UGT8: variants seen among roughly 807,000 people sequenced by gnomAD.
UGT8 encodes the protein 2-hydroxyacylsphingosine 1-beta-galactosyltransferase.
UGT8 carries 12 observed loss-of-function variants against 40.5 expected under a neutral mutation model. The observed-to-expected ratio is 0.30, with a 90% CI of 0.19 to 0.48. The LOEUF is 0.48. Among genes scored for constraint, UGT8 ranks in the 20% least tolerant of loss-of-function variants. UGT8 has a pLI of 0.99. For missense variants in UGT8, 513 were observed against 648.7 expected (o/e 0.79, Z 2.27); for synonymous variants, 224 against 240.4 (o/e 0.93, Z 0.63).
chr4:114,613,188 A>G (rs1731193344), intron 1 of UGT8, among the ~76,000 whole-genome samples: 1 of 152,146 alleles, frequency 6.6e-6, no homozygotes, highest in African/African-American at 2.4e-5. Flanking sequence ...ACTTAAAATG[A>G]TATCTTTGTA....
intron 5 of UGT8, among the ~76,000 whole-genome samples, chr4:114,671,224 A>C (rs1021426632): frequency 2.2e-4 from 34 of 152,242 alleles, no homozygotes; most frequent in African/African-American, 8.2e-4. Context: ...GAAAATGGCT[A>C]TACTGCCCAA....
intron 2 of UGT8, among the ~76,000 whole-genome samples, chr4:114,652,818 G>A (rs1238917914): frequency 6.6e-6 from 1 of 152,020 alleles, no homozygotes; most frequent in African/African-American, 2.4e-5. Context: ...TCTAACGTTG[G>A]AGTCTTTGCT....
chr4:114,676,464 A>C lies in UGT8; in HGVS notation c.*176A>C. ...TGGCTGTAAAAAGCACAAACCTAAA[A>C]TGCAGAAATGTATTTTATTCAAATA... On this transcript the variant is annotated 3_prime_UTR_variant, in exon 6 of 6. Transcript: ENST00000310836. 1.8e-6 allele frequency: 1 copy of C among 555,972 alleles called. No homozygotes were observed. Among genetic ancestry groups the C allele is most frequent in the East Asian group, 3.0e-5 (1 of 33,154 alleles). 34.4% of individuals were successfully genotyped at this position (555,972 alleles called of 1,614,324 possible).
At chr4:114,646,976 C>T (rs1199099964) in intron 2 of UGT8, among the ~76,000 whole-genome samples, 1 of 152,070 alleles carries the variant, frequency 6.6e-6, no homozygotes, top group Non-Finnish European at 1.5e-5. Context: ...GGGAAAGAAG[C>T]ATGTTTCCGT....
intron 4 of UGT8, 130 bp from the exon 5 acceptor site, chr4:114,667,955 A>C (rs1032800228): frequency 3.5e-6 from 5 of 1,440,808 alleles, no homozygotes; most frequent in Non-Finnish European, 4.5e-6. Flanking sequence ...AATCAGTGAA[A>C]TTACACCTTT....
chr4:114,660,752 C>A (rs995099774), intron 2 of UGT8, among the ~76,000 whole-genome samples: 2 of 151,590 alleles, frequency 1.3e-5, no homozygotes, highest in African/African-American at 2.4e-5. Context: ...ATTAGCCGGG[C>A]GTAGTGGGGG....
Position 114,603,493 on chromosome 4 carries a change from G to A in UGT8, c.-3+4519G>A, listed in dbSNP as rs538187111. Among the ~76,000 whole-genome samples, 8 of 152,236 alleles carry A rather than the reference G, an allele frequency of 5.3e-5. No homozygotes were observed. The South Asian group carries it at 6.2e-4, about 12-fold the overall frequency. On this transcript the variant is annotated intron_variant, in intron 1 of 5. Coordinates refer to ENST00000310836, the MANE Select transcript of UGT8 (RefSeq NM_001128174.3). ...ATTTAAGAGTTGGGTAGAGAAATAG[G>A]AAGCAATAAAGAAAAACGAGAAGGT...
chr4:114,651,612 G>C (rs950534550), intron 2 of UGT8, among the ~76,000 whole-genome samples: 2 of 152,058 alleles, frequency 1.3e-5, no homozygotes, highest in Non-Finnish European at 2.9e-5. Flanking sequence ...CATGCTCACT[G>C]TTAAGCATAT....
chr4:114,667,478 T>C (rs1337248615), intron 4 of UGT8, among the ~76,000 whole-genome samples: 1 of 152,188 alleles, frequency 6.6e-6, no homozygotes, highest in Non-Finnish European at 1.5e-5. Flanking sequence ...TGTTATGTGA[T>C]GTCTCATGTC....
chr4:114,648,709 A>T (rs1334072230), intron 2 of UGT8, among the ~76,000 whole-genome samples: 1 of 152,206 alleles, frequency 6.6e-6, no homozygotes. Flanking sequence ...GAAATTGGTT[A>T]AGATTTCTTT....
At chr4:114,599,276 C>T (rs1730287422) in intron 1 of UGT8, among the ~76,000 whole-genome samples, 2 of 152,158 alleles carry the variant, frequency 1.3e-5, no homozygotes, top group Non-Finnish European at 1.5e-5. Flanking sequence ...CGAGGGTTCT[C>T]TCGCGTTTGT....
At chr4:114,647,757 T>G (rs1733664259) in intron 2 of UGT8, among the ~76,000 whole-genome samples, 1 of 152,162 alleles carries the variant, frequency 6.6e-6, no homozygotes, top group Non-Finnish European at 1.5e-5. Flanking sequence ...GCTAAGTGAC[T>G]CTAGGGTACT....
intron 2 of UGT8, among the ~76,000 whole-genome samples, chr4:114,655,978 G>A (rs1734163736): frequency 6.6e-6 from 1 of 151,928 alleles, no homozygotes; most frequent in Admixed American, 6.6e-5. Context: ...CCTCAATTTG[G>A]GTTTATCATT....
At chr4:114,648,176 A>G (rs775025881) in intron 2 of UGT8, among the ~76,000 whole-genome samples, 5 of 152,116 alleles carry the variant, frequency 3.3e-5, no homozygotes, top group Admixed American at 6.5e-5. Context: ...CCATTCCAAC[A>G]TATTTCAGCT....
chr4:114,641,641 G>A (rs536827928), intron 2 of UGT8, among the ~76,000 whole-genome samples: 24 of 152,238 alleles, frequency 1.6e-4, no homozygotes, highest in African/African-American at 5.5e-4. Context: ...GATTCATAAA[G>A]CGAGAGATTA....
chr4:114,676,493 A>T lies in UGT8; in HGVS notation c.*205A>T. ...AGAAATGTATTTTATTCAAATACTGATGTAGAGAGTTTTGGCACTGAACCT... is the reference window on the plus strand; with the variant it reads ...AGAAATGTATTTTATTCAAATACTGTTGTAGAGAGTTTTGGCACTGAACCT... On this transcript the variant is annotated 3_prime_UTR_variant, in exon 6 of 6. Transcript: ENST00000310836. The T allele has an allele frequency of 4.2e-6, 2 of 480,268 alleles. No homozygotes were observed. Among genetic ancestry groups the T allele is most frequent in the Non-Finnish European group, 7.2e-6 (2 of 276,722 alleles). 29.8% of individuals were successfully genotyped at this position (480,268 alleles called of 1,614,324 possible).
At chr4:114,655,059 G>GT (rs1011314324) in intron 2 of UGT8, among the ~76,000 whole-genome samples, 4 of 146,136 alleles carry the variant, frequency 2.7e-5, no homozygotes, top group Non-Finnish European at 4.5e-5. Context: ...CTAGTTTTTT[G>GT]TTTTTTGTTT....
rs1321691627 is a variant in UGT8 at position 114,633,980 on chromosome 4, A to T, written c.822+10278A>T. On this transcript the variant is annotated intron_variant, in intron 2 of 5. Transcript: ENST00000310836. ...ATCACTCTGGTTGCTTTGTGGAAAAAGAACAATAAAAGGGGAAGAGAGGAG... is the reference window on the plus strand; with the variant it reads ...ATCACTCTGGTTGCTTTGTGGAAAATGAACAATAAAAGGGGAAGAGAGGAG... Among the ~76,000 whole-genome samples the T allele has an allele frequency of 2.0e-5, 3 of 152,008 alleles. No homozygotes were observed. The East Asian group carries it at 5.8e-4, about 29-fold the overall frequency.
At chr4:114,618,684 C>T (rs1308244657) in intron 1 of UGT8, among the ~76,000 whole-genome samples, 2 of 152,044 alleles carry the variant, frequency 1.3e-5, no homozygotes, top group Non-Finnish European at 1.5e-5. Flanking sequence ...CAATTGTTTG[C>T]TTTGCTTTAT....
Sources: allele counts gnomAD v4.1 joint callset (sites outside exome capture counted in the v4.1 genomes callset), GRCh38; gene constraint gnomAD v4.1.1; transcripts MANE v1.5; gene names NCBI Gene and HGNC (gene_info 2026-07-23, HGNC 2026-07-21).